TBC1D14: variants seen among roughly 807,000 people sequenced by gnomAD.
The protein encoded by TBC1D14 is TBC1 domain family member 14.
A neutral mutation model predicts 79.0 loss-of-function variants in TBC1D14; 26 were observed. The ratio of observed to expected loss-of-function variants is 0.33; its 90% CI spans 0.24 to 0.46. The LOEUF (loss-of-function observed/expected upper bound fraction) is 0.46, where lower values mean the gene tolerates loss of function less well. Among genes scored for constraint, TBC1D14 ranks in the 20% least tolerant of loss-of-function variants. The pLI is 1.00. For missense variants in TBC1D14, 769 were observed against 887.6 expected, an observed-to-expected ratio of 0.87 and a Z score of 1.70; for synonymous variants, 394 against 349.9, an observed-to-expected ratio of 1.13 and a Z score of -1.40.
intron 1 of TBC1D14, among the ~76,000 whole-genome samples, chr4:6,919,548 T>A (rs947663390): frequency 6.6e-6 from 1 of 152,216 alleles, no homozygotes; most frequent in Non-Finnish European, 1.5e-5. Flanking sequence ...TCAATTACTA[T>A]AACATTGTGA....
chr4:6,959,624 C>G (rs147776502), intron 2 of TBC1D14, among the ~76,000 whole-genome samples: 11 of 152,290 alleles, frequency 7.2e-5, no homozygotes, highest in African/African-American at 2.6e-4. Flanking sequence ...TCCATGCAGC[C>G]CCTTCTCTGG....
At chr4:6,941,798 G>A (rs1409014611) in intron 2 of TBC1D14, among the ~76,000 whole-genome samples, 2 of 152,216 alleles carry the variant, frequency 1.3e-5, no homozygotes, top group Admixed American at 1.3e-4. Flanking sequence ...CTGTGTTCAT[G>A]GAACTTCCTC....
chr4:7,008,926 G>A (rs957484171), intron 9 of TBC1D14, among the ~76,000 whole-genome samples: 1 of 152,186 alleles, frequency 6.6e-6, no homozygotes, highest in African/African-American at 2.4e-5. Flanking sequence ...TGGTGCCACT[G>A]CAGACCGTCA....
chr4:7,017,906 C>A (rs1195761640), intron 12 of TBC1D14, among the ~76,000 whole-genome samples: 2 of 152,086 alleles, frequency 1.3e-5, no homozygotes, highest in Non-Finnish European at 2.9e-5. Flanking sequence ...GCTGACAGTT[C>A]GGTGAAAGCT....
At chr4:6,918,196 C>T (rs1341284774) in intron 1 of TBC1D14, among the ~76,000 whole-genome samples, 1 of 152,178 alleles carries the variant, frequency 6.6e-6, no homozygotes, top group Non-Finnish European at 1.5e-5. Context: ...TCTTCCTGTG[C>T]TTTCTTCTTG....
At chr4:7,020,546 C>T (rs1462557922) in intron 12 of TBC1D14, among the ~76,000 whole-genome samples, 1 of 152,158 alleles carries the variant, frequency 6.6e-6, no homozygotes, top group Non-Finnish European at 1.5e-5. Flanking sequence ...AAAATGGGGA[C>T]ACAGCTAGAA....
At chr4:6,981,181 C>T (rs1029373373) in intron 3 of TBC1D14, among the ~76,000 whole-genome samples, 3 of 152,056 alleles carry the variant, frequency 2.0e-5, no homozygotes, top group Non-Finnish European at 2.9e-5. Context: ...TGTACCACCA[C>T]GCCCAGCTAA....
At chr4:6,996,034 C>T (rs1577141170) in intron 4 of TBC1D14, among the ~76,000 whole-genome samples, 2 of 151,190 alleles carry the variant, frequency 1.3e-5, no homozygotes, top group East Asian at 2.0e-4. Context: ...AGACGGGTTT[C>T]ACCATGTTAG....
intron 12 of TBC1D14, among the ~76,000 whole-genome samples, chr4:7,018,373 CTT>C (rs1033527502): frequency 1.1e-4 from 16 of 152,288 alleles, no homozygotes; most frequent in African/African-American, 3.6e-4. Context: ...AATGGCTACA[CTT>C]TGGGTCAGAA....
intron 2 of TBC1D14, among the ~76,000 whole-genome samples, chr4:6,959,235 G>A (rs983187117): frequency 6.6e-6 from 1 of 152,212 alleles, no homozygotes; most frequent in Admixed American, 6.5e-5. Context: ...TTTGAGCCTT[G>A]GAGACGATAG....
chr4:7,002,051 C>T (rs1285063313), intron 7 of TBC1D14, among the ~76,000 whole-genome samples: 2 of 152,218 alleles, frequency 1.3e-5, no homozygotes, highest in African/African-American at 2.4e-5. Flanking sequence ...TTTGTATCTT[C>T]GCTCTCTAGT....
chr4:7,006,075 C>T (rs916277781), intron 8 of TBC1D14, among the ~76,000 whole-genome samples: 2 of 152,120 alleles, frequency 1.3e-5, no homozygotes, highest in Admixed American at 6.5e-5. Context: ...CACAGTGGCT[C>T]GTGCCTGTAA....
intron 2 of TBC1D14, among the ~76,000 whole-genome samples, chr4:6,963,412 A>G (rs1237583406): frequency 6.6e-6 from 1 of 152,256 alleles, no homozygotes; most frequent in Non-Finnish European, 1.5e-5. Flanking sequence ...CCTGTCGGGC[A>G]GACAGCACAG....
At chr4:6,949,653 G>A (rs1257390545) in intron 2 of TBC1D14, among the ~76,000 whole-genome samples, 5 of 141,802 alleles carry the variant, frequency 3.5e-5, no homozygotes, top group African/African-American at 1.3e-4. Flanking sequence ...ACTGCACTCC[G>A]ACCTGGGCGA....
intron 9 of TBC1D14, among the ~76,000 whole-genome samples, chr4:7,008,690 C>T (rs143212858): frequency 1.1e-4 from 17 of 152,312 alleles, no homozygotes; most frequent in African/African-American, 3.4e-4. Flanking sequence ...GGAATACAGG[C>T]GTGAGCCACT....
chr4:7,028,232 C>T (rs1722668431), intron 13 of TBC1D14, among the ~76,000 whole-genome samples: 1 of 152,118 alleles, frequency 6.6e-6, no homozygotes, highest in South Asian at 2.1e-4. Flanking sequence ...ACTGCACACC[C>T]ACATACACAG....
rs1220968128 is a variant in TBC1D14 at position 7,028,717 on chromosome 4, A to AC, written c.2017-1608dup. On this transcript the variant is annotated intron_variant, in intron 13 of 13. Transcript: ENST00000409757. Reference sequence around the variant, plus strand: ...TGGGATTATAGGCGTGAGCCACCACACCTGGTCCAGGCATCAGTAACTTTT... The same window carrying AC: ...TGGGATTATAGGCGTGAGCCACCACACCCTGGTCCAGGCATCAGTAACTTTT... 4.4e-4 allele frequency among the ~76,000 whole-genome samples: 66 copies of AC among 151,318 alleles called. 2 individuals carry two copies. The highest frequency in any genetic ancestry group is 2.7e-4 in the Non-Finnish European group (18 of 67,818).
chr4:6,987,379 C>T lies in TBC1D14; in HGVS notation c.844-6805C>T, dbSNP rs775551357. The T allele has an allele frequency of 3.5e-6, 5 of 1,413,468 alleles. No homozygotes were observed. In the East Asian group the frequency reaches 1.2e-4, roughly 35 times the overall value. The allele number at this position is 1,413,468 out of a possible 1,614,324, so 87.6% of individuals were successfully genotyped here. A position where few individuals can be genotyped will look rare whatever the true frequency, so the allele number is the denominator to read the frequency against. ...GTCGGGGTGCGGGCCGGTGCCTCTC[C>T]CTGCGCCCCAGGCCTGCCCGGTCCC... is the stretch of plus-strand genomic sequence containing the variant. On this transcript the variant is annotated intron_variant, in intron 3 of 13. Coordinates refer to ENST00000409757, the MANE Select transcript of TBC1D14 (RefSeq NM_020773.3).
intron 9 of TBC1D14, among the ~76,000 whole-genome samples, chr4:7,009,429 A>G (rs557352570): frequency 4.0e-4 from 61 of 152,348 alleles, no homozygotes; most frequent in Admixed American, 7.2e-4. Context: ...CAGAAAACCA[A>G]CAGAAACAAG....
Sources: gnomAD v4.1 joint callset for allele counts (sites outside exome capture counted in the v4.1 genomes callset) on GRCh38, gnomAD v4.1.1 for gene constraint, MANE v1.5 for transcripts, NCBI Gene and HGNC (gene_info 2026-07-23, HGNC 2026-07-21) for gene names.